Variants in CDYL observed in about 807,000 individuals in gnomAD.
The protein encoded by CDYL is chromodomain Y-like protein.
A neutral mutation model predicts 47.3 loss-of-function variants in CDYL; 8 were observed. That is an observed-to-expected ratio of 0.17 (90% CI 0.10 to 0.31). The LOEUF is 0.31. CDYL is among the 10% of genes least tolerant of loss of function. The pLI is 1.00. For missense variants in CDYL, 471 were observed against 701.4 expected (o/e 0.67, Z 3.71); for synonymous variants, 266 against 265.0 (o/e 1.00, Z -0.04).
rs538333704 is a variant in CDYL at position 4,891,720 on chromosome 6, G to A, written c.32G>A (p.Arg11Lys). The A allele has an allele frequency of 6.2e-7, 1 of 1,611,404 alleles. No individual in the cohort carries two copies. Residue 11 changes from arginine to lysine, a missense_variant, in exon 2 of 7, where the codon AGG becomes AAG. Around this residue, in one of 3 missense-constraint regions of CDYL, gnomAD observed 311 missense variants for 350.0 expected, o/e 0.89. Transcript: ENST00000397588. The stretch of plus-strand genomic sequence containing the variant: ...TTTTCCTTTTATGAACAGGTTGAAA[G>A]GATTGTTGACAAAAGGAAAAATAAA... MASEELYEVE[R>K]IVDKRKNKKG...
chr6:4,845,598 T>C (rs2127460966), intron 1 of CDYL, among the ~76,000 whole-genome samples: 1 of 152,362 alleles, frequency 6.6e-6, no homozygotes, highest in East Asian at 1.9e-4. Context: ...ATAAATATTT[T>C]ACGCTTTCTT....
chr6:4,838,287 G>A lies in CDYL; in HGVS notation c.25-53426G>A, dbSNP rs547672776. Among the ~76,000 whole-genome samples, 19 of 152,044 alleles carry A rather than the reference G, an allele frequency of 1.2e-4. 2 individuals carry two copies. Among genetic ancestry groups the A allele is most frequent in the Admixed American group, 3.3e-4 (5 of 15,286 alleles). On this transcript the variant is annotated intron_variant, in intron 1 of 6. Coordinates refer to ENST00000397588, the MANE Select transcript of CDYL (RefSeq NM_004824.4). ...CAGTGTACACTGTACTCAATGTGTCGTCTTTTATCCCTCACCCCCCTCCCA... is the reference window on the plus strand; with the variant it reads ...CAGTGTACACTGTACTCAATGTGTCATCTTTTATCCCTCACCCCCCTCCCA...
At chr6:4,944,958 C>T (rs1164547961) in intron 5 of CDYL, among the ~76,000 whole-genome samples, 1 of 152,168 alleles carries the variant, frequency 6.6e-6, no homozygotes, top group African/African-American at 2.4e-5. Context: ...AGCTCAGTCT[C>T]ATCATGAGGA....
intron 1 of CDYL, among the ~76,000 whole-genome samples, chr6:4,877,900 T>C (rs1370610998): frequency 6.6e-6 from 1 of 152,362 alleles, no homozygotes; most frequent in Middle Eastern, 3.4e-3. Context: ...ATGTGTTGTA[T>C]CTATAGATGC....
chr6:4,778,034 G>T (rs563539665), intron 1 of CDYL, among the ~76,000 whole-genome samples: 2 of 152,004 alleles, frequency 1.3e-5, no homozygotes, highest in South Asian at 4.2e-4. Context: ...CTGTATTCAG[G>T]ATACTATTTT....
At chr6:4,857,241 A>G (rs1221109778) in intron 1 of CDYL, among the ~76,000 whole-genome samples, 4 of 152,312 alleles carry the variant, frequency 2.6e-5, no homozygotes, top group Non-Finnish European at 5.9e-5. Context: ...AACCATCACC[A>G]CCAAACATCG....
chr6:4,759,264 C>T (rs1189315195), intron 3 of CDYL, among the ~76,000 whole-genome samples: 10 of 152,092 alleles, frequency 6.6e-5, no homozygotes, highest in African/African-American at 1.9e-4. Flanking sequence ...CCACCGCGCC[C>T]GGCCAATCAC....
At position 4,910,271 on chromosome 6, in the gene CDYL, A is replaced by G. The variant is rs191541542; in HGVS notation, c.691+17892A>G. ...ATTAGCACCTGGAACAACACCAGGC[A>G]GTGCTCACTTGCTCAGGTTTGTTAA... On this transcript the variant is annotated intron_variant, in intron 2 of 6. Transcript: ENST00000397588. Among the ~76,000 whole-genome samples, 3 of 152,302 alleles carry G rather than the reference A, an allele frequency of 2.0e-5. No individual in the cohort carries two copies. The East Asian group carries it at 5.8e-4, about 29-fold the overall frequency.
At position 4,760,670 on chromosome 6, in the gene CDYL, C is replaced by T. The variant is rs572111921; in HGVS notation, c.186+25826C>T. Among the ~76,000 whole-genome samples the T allele has an allele frequency of 1.9e-3, 293 of 152,138 alleles. 3 individuals carry two copies. Among genetic ancestry groups the T allele is most frequent in the South Asian group, 4.4e-3 (21 of 4,810 alleles). On this transcript the variant is annotated intron_variant, in intron 3 of 8. Coordinates refer to the CDYL transcript ENST00000328908. The stretch of plus-strand genomic sequence containing the variant: ...CTTCAGAGTGAGAAATCTGGACCTA[C>T]GCTATGAGGAAATTGGCATAAAAGG...
chr6:4,841,763 G>A (rs1269969147), intron 1 of CDYL, among the ~76,000 whole-genome samples: 2 of 151,778 alleles, frequency 1.3e-5, no homozygotes, highest in Non-Finnish European at 2.9e-5. Context: ...AAGAGTACCT[G>A]ACATAGTTTA....
At chr6:4,851,629 A>G (rs1007656679) in intron 1 of CDYL, among the ~76,000 whole-genome samples, 7 of 152,182 alleles carry the variant, frequency 4.6e-5, no homozygotes, top group African/African-American at 1.7e-4. Context: ...CTGGCTGGAA[A>G]GGAACCACCG....
At chr6:4,836,704 T>C (rs1760319441) in intron 1 of CDYL, among the ~76,000 whole-genome samples, 1 of 152,214 alleles carries the variant, frequency 6.6e-6, no homozygotes, top group South Asian at 2.1e-4. Context: ...AAGAACTGTT[T>C]ATATTGAATT....
At chr6:4,807,920 A>T (rs751205328) in intron 1 of CDYL, among the ~76,000 whole-genome samples, 2 of 151,562 alleles carry the variant, frequency 1.3e-5, no homozygotes, top group Non-Finnish European at 2.9e-5. Context: ...TTATGTCTTT[A>T]TGCACTTAGA....
At chr6:4,736,004 A>G (rs965758034) in intron 3 of CDYL, among the ~76,000 whole-genome samples, 2 of 152,140 alleles carry the variant, frequency 1.3e-5, no homozygotes, top group Non-Finnish European at 2.9e-5. Flanking sequence ...CATGCTCTCC[A>G]GTAGCTCTTT....
At chr6:4,827,091 T>C (rs966367193) in intron 1 of CDYL, among the ~76,000 whole-genome samples, 1 of 152,228 alleles carries the variant, frequency 6.6e-6, no homozygotes, top group African/African-American at 2.4e-5. Flanking sequence ...TTAAAGTCTG[T>C]TTTGTCTGAT....
Position 4,855,921 on chromosome 6 carries a change from C to T in CDYL, c.25-35792C>T, listed in dbSNP as rs190216295. Among the ~76,000 whole-genome samples the T allele has an allele frequency of 2.1e-3, 322 of 152,304 alleles. 3 individuals are homozygous for T. The highest frequency in any genetic ancestry group is 7.1e-3 in the African/African-American group (294 of 41,578). On this transcript the variant is annotated intron_variant, in intron 1 of 6. Coordinates refer to ENST00000397588, the MANE Select transcript of CDYL (RefSeq NM_004824.4). ...CAGTACTGGGCATCTCATGCTCGGACGTAGTTCTTATGCTCATTGTCCATT... is the reference window on the plus strand; with the variant it reads ...CAGTACTGGGCATCTCATGCTCGGATGTAGTTCTTATGCTCATTGTCCATT...
chr6:4,757,233 T>A (rs1758089296), intron 3 of CDYL, among the ~76,000 whole-genome samples: 1 of 152,268 alleles, frequency 6.6e-6, no homozygotes, highest in South Asian at 2.1e-4. Flanking sequence ...ATTATTATAA[T>A]GAGTTTTTTG....
chr6:4,907,609 A>G (rs766428280), intron 2 of CDYL, among the ~76,000 whole-genome samples: 6 of 152,180 alleles, frequency 3.9e-5, no homozygotes, highest in Non-Finnish European at 8.8e-5. Context: ...TCCTGAGCTC[A>G]AGCAATCTTC....
At chr6:4,813,836 C>T (rs547902890) in intron 1 of CDYL, among the ~76,000 whole-genome samples, 2 of 151,676 alleles carry the variant, frequency 1.3e-5, no homozygotes, top group East Asian at 3.9e-4. Flanking sequence ...TGCTGTGGTG[C>T]GATTATGGCT....
Sources: allele counts gnomAD v4.1 joint callset (sites outside exome capture counted in the v4.1 genomes callset), GRCh38; gene constraint gnomAD v4.1.1; regional missense constraint gnomAD v4.1.1; transcripts MANE v1.5; gene names NCBI Gene and HGNC (gene_info 2026-07-23, HGNC 2026-07-21).